The following RSF1 variants were observed in gnomAD, a reference collection of about 807,000 sequenced individuals.
RSF1 encodes the protein HBV pX-associated protein 8.
In RSF1, 13 loss-of-function variants were observed where a neutral mutation model predicts 145.2. That is an observed-to-expected ratio of 0.09 (90% CI 0.06 to 0.14). The LOEUF (loss-of-function observed/expected upper bound fraction) is 0.14, where lower values mean the gene tolerates loss of function less well. RSF1 is among the 10% of genes least tolerant of loss of function. The pLI, the probability that RSF1 is intolerant of heterozygous loss-of-function variation, is 1.00. For missense variants in RSF1, 1,517 were observed against 1,718.2 expected, an observed-to-expected ratio of 0.88 and a Z score of 2.07; for synonymous variants, 577 against 592.6, an observed-to-expected ratio of 0.97 and a Z score of 0.38.
chr11:77,719,191 G>A (rs1357587109), intron 5 of RSF1, among the ~76,000 whole-genome samples: 1 of 152,130 alleles, frequency 6.6e-6, no homozygotes, highest in African/African-American at 2.4e-5. Flanking sequence ...TTGTGATTGT[G>A]GCACTAGATT....
intron 1 of RSF1, among the ~76,000 whole-genome samples, chr11:77,789,076 T>C (rs529248759): frequency 6.6e-6 from 1 of 151,990 alleles, no homozygotes; most frequent in South Asian, 2.1e-4. Flanking sequence ...ACAGGAAACA[T>C]CTACGGCAAG....
chr11:77,694,301 T>C (rs1242946088), intron 7 of RSF1, among the ~76,000 whole-genome samples: 2 of 152,126 alleles, frequency 1.3e-5, no homozygotes, highest in African/African-American at 4.8e-5. Flanking sequence ...CCATTTTAAA[T>C]AGCATTTCAA....
chr11:77,690,705 A>G (rs1238152920), intron 9 of RSF1, among the ~76,000 whole-genome samples: 1 of 152,230 alleles, frequency 6.6e-6, no homozygotes, highest in African/African-American at 2.4e-5. Flanking sequence ...GGCGGGAGCC[A>G]CCATGCCCAG....
At chr11:77,816,507 AACTT>A (rs537545592) in intron 1 of RSF1, among the ~76,000 whole-genome samples, 9 of 152,374 alleles carry the variant, frequency 5.9e-5, no homozygotes, top group South Asian at 4.1e-4. Flanking sequence ...CTAATGGCTC[AACTT>A]ACTTAATATC....
intron 11 of RSF1, 42 bp from the exon 12 acceptor site, chr11:77,678,195 T>A: frequency 1.7e-4 from 3 of 17,250 alleles, no homozygotes; most frequent in Non-Finnish European, 2.6e-4. Flanking sequence ...TGTCCTGGCT[T>A]TTTTTTTTTT....
the RSF1 span, among the ~76,000 whole-genome samples, chr11:77,835,368 ATTC>A: frequency 6.6e-6 from 1 of 152,096 alleles, no homozygotes; most frequent in Admixed American, 6.6e-5. Flanking sequence ...AAGCCACCTA[ATTC>A]CTAGACTTTG....
chr11:77,699,649 C>T (rs1960366302), intron 6 of RSF1, among the ~76,000 whole-genome samples: 1 of 152,138 alleles, frequency 6.6e-6, no homozygotes, highest in Non-Finnish European at 1.5e-5. Context: ...CTGTCATACA[C>T]TGGTAATAAG....
At chr11:77,672,319 G>C (rs1037278912) in intron 14 of RSF1, 89 bp from the exon 15 acceptor site, 1 of 1,014,558 alleles carries the variant, frequency 9.9e-7, no homozygotes, top group Non-Finnish European at 1.4e-6. Flanking sequence ...CTACCAAGCA[G>C]AGTTCAGTCA....
chr11:77,824,790 A>T (rs1347641146), upstream of RSF1, among the ~76,000 whole-genome samples: 3 of 152,220 alleles, frequency 2.0e-5, no homozygotes, highest in African/African-American at 7.2e-5. Flanking sequence ...TTATTTCTCA[A>T]AATTCATTGA....
chr11:77,766,714 C>T (rs1230758549), intron 1 of RSF1, among the ~76,000 whole-genome samples: 2 of 152,138 alleles, frequency 1.3e-5, no homozygotes, highest in African/African-American at 4.8e-5. Flanking sequence ...TGAGGCCAGG[C>T]TCAGAAGTTT....
Position 77,700,722 on chromosome 11 carries a change from T to C in RSF1, c.2507A>G (p.Lys836Arg). Reference sequence around the variant, plus strand: ...AATTAAAGTTAAGACAAGTTTTACCTTGCTTACTTTAGAATTTGTATCTTT... The same window carrying C: ...AATTAAAGTTAAGACAAGTTTTACCCTGCTTACTTTAGAATTTGTATCTTT... ...SEKDTNSKVS[K>R]VKPKGKVRWT... Residue 836 changes from lysine to arginine, a missense_variant and splice_region_variant, in exon 6 of 16, where the codon AAG (lysine) becomes AGG (arginine). Lys to Arg is a conservative substitution (Grantham distance 26, BLOSUM62 2). Coordinates refer to ENST00000308488, the MANE Select transcript of RSF1 (RefSeq NM_016578.4). 6.4e-7 allele frequency: 1 copy of C among 1,565,720 alleles called. No individual in the cohort carries two copies. The highest frequency in any genetic ancestry group is 8.6e-7 in the Non-Finnish European group (1 of 1,164,716).
chr11:77,678,772 T>A (rs1363348989), intron 11 of RSF1, among the ~76,000 whole-genome samples: 1 of 152,074 alleles, frequency 6.6e-6, no homozygotes, highest in Non-Finnish European at 1.5e-5. Flanking sequence ...AGGCATCGGG[T>A]CTACCCTAAA....
intron 1 of RSF1, chr11:77,813,374 C>CT: frequency 9.9e-7 from 1 of 1,011,852 alleles, no homozygotes; most frequent in Non-Finnish European, 1.5e-6. Flanking sequence ...CTGATGGAAG[C>CT]AATCTGCTTA....
At chr11:77,775,298 G>A (rs890752550) in intron 1 of RSF1, among the ~76,000 whole-genome samples, 1 of 151,620 alleles carries the variant, frequency 6.6e-6, no homozygotes, top group Admixed American at 6.6e-5. Context: ...CCCTGTAGGT[G>A]TGAAAGAGAA....
At chr11:77,706,554 G>A (rs538721107) in intron 5 of RSF1, among the ~76,000 whole-genome samples, 2 of 152,108 alleles carry the variant, frequency 1.3e-5, no homozygotes, top group African/African-American at 2.4e-5. Flanking sequence ...CAGCCACATC[G>A]GAAAATTCAG....
chr11:77,811,782 T>C (rs757374790), intron 1 of RSF1, among the ~76,000 whole-genome samples: 9 of 151,996 alleles, frequency 5.9e-5, no homozygotes, highest in South Asian at 4.1e-4. Context: ...TCAAAGAAAG[T>C]GTCAGAGGCT....
At chr11:77,802,754 T>C (rs1948638439) in intron 1 of RSF1, among the ~76,000 whole-genome samples, 1 of 152,112 alleles carries the variant, frequency 6.6e-6, no homozygotes, top group Non-Finnish European at 1.5e-5. Context: ...TGTTGGCATG[T>C]TGGCCAGGCT....
the RSF1 span, among the ~76,000 whole-genome samples, chr11:77,849,479 C>T: frequency 6.6e-6 from 1 of 152,200 alleles, no homozygotes; most frequent in African/African-American, 2.4e-5. Flanking sequence ...CCATCTCGGC[C>T]TCTCAAAGTG....
At chr11:77,762,027 C>CTTTTCTTTTTTTTTTTTTTTT (rs1948178767) in intron 2 of RSF1, 3 of 58,756 alleles carry the variant, frequency 5.1e-5, no homozygotes, top group African/African-American at 2.3e-4. Flanking sequence ...CTTTTCTTTT[C>CTTTTCTTTTTTTTTTTTTTTT]TTTTTTTTTT....
Sources: allele counts gnomAD v4.1 joint callset (sites outside exome capture counted in the v4.1 genomes callset), GRCh38; gene constraint gnomAD v4.1.1; transcripts MANE v1.5; gene names NCBI Gene and HGNC (gene_info 2026-07-23, HGNC 2026-07-21).